LPIN2: variants seen among roughly 807,000 people sequenced by gnomAD.
The protein encoded by LPIN2 is lipin 2, also known as phosphatidate phosphatase LPIN2.
A neutral mutation model predicts 111.4 loss-of-function variants in LPIN2; 55 were observed. The ratio of observed to expected loss-of-function variants is 0.49; its 90% CI spans 0.40 to 0.62. The LOEUF is 0.62. LPIN2 is among the 20% of genes least tolerant of loss of function. The probability of loss-of-function intolerance (pLI) is 0.00; values close to 1 mark genes in which losing one functional copy is unlikely to be tolerated. For missense variants in LPIN2, 992 were observed against 1,112.1 expected, an observed-to-expected ratio of 0.89 and a Z score of 1.54; for synonymous variants, 425 against 414.0, an observed-to-expected ratio of 1.03 and a Z score of -0.32.
rs1162830363 is a variant in LPIN2 at position 2,951,094 on chromosome 18, C to T, written c.551G>A (p.Gly184Asp). 6.2e-7 allele frequency: 1 copy of T among 1,614,192 alleles called. No individual in the cohort carries two copies. Among genetic ancestry groups the T allele is most frequent in the Admixed American group, 1.7e-5 (1 of 60,008 alleles). Residue 184 changes from glycine to aspartate, a missense_variant, in exon 4 of 20, where the codon GGC becomes GAC. Coordinates refer to ENST00000677752, the MANE Select transcript of LPIN2 (RefSeq NM_001375808.2). ...CCCCTTGTCATCATCGGAGCTCACG[C>T]CTACATCACATGTGTCTTCTGCAGC... Reference protein sequence around the residue: ...SAAAEDTCDVGVSSDDDKGAQ... With the variant: ...SAAAEDTCDVDVSSDDDKGAQ...
At chr18:2,938,959 G>A (rs367984879) in intron 6 of LPIN2, among the ~76,000 whole-genome samples, 12 of 152,162 alleles carry the variant, frequency 7.9e-5, no homozygotes, top group African/African-American at 2.9e-4. Flanking sequence ...TTTGCGATCA[G>A]GCCAAGCTGA....
At chr18:3,004,347 C>CA (rs1201338746) in intron 1 of LPIN2, among the ~76,000 whole-genome samples, 2 of 152,102 alleles carry the variant, frequency 1.3e-5, no homozygotes, top group Non-Finnish European at 2.9e-5. Flanking sequence ...ACGGTCCTAC[C>CA]AATATGTGAT....
At chr18:2,980,089 C>G (rs1239579220) in intron 1 of LPIN2, among the ~76,000 whole-genome samples, 1 of 152,136 alleles carries the variant, frequency 6.6e-6, no homozygotes, top group African/African-American at 2.4e-5. Context: ...AAGTTACTAG[C>G]TATGGAGAGT....
intron 1 of LPIN2, among the ~76,000 whole-genome samples, chr18:2,975,462 G>A (rs1567847921): frequency 6.6e-6 from 1 of 152,148 alleles, no homozygotes; most frequent in Non-Finnish European, 1.5e-5. Context: ...AGCCTCTCGA[G>A]TAGCCGGGAC....
At chr18:3,010,102 C>T (rs920656698) in intron 1 of LPIN2, among the ~76,000 whole-genome samples, 3 of 152,206 alleles carry the variant, frequency 2.0e-5, no homozygotes, top group Non-Finnish European at 2.9e-5. Context: ...ACATGGGTTG[C>T]CACTGACTGC....
chr18:2,946,104 T>G, intron 4 of LPIN2: 2 of 1,566,162 alleles, frequency 1.3e-6, no homozygotes, highest in African/African-American at 2.7e-5. Flanking sequence ...CATCATTGTC[T>G]TCTTTTCTTA....
chr18:2,951,972 G>A (rs2077544488), intron 3 of LPIN2, among the ~76,000 whole-genome samples: 1 of 152,132 alleles, frequency 6.6e-6, no homozygotes. Flanking sequence ...CCTTCCTGTA[G>A]GAATTCAAAA....
intron 1 of LPIN2, among the ~76,000 whole-genome samples, chr18:2,985,648 G>A (rs1436219538): frequency 6.6e-6 from 1 of 152,078 alleles, no homozygotes; most frequent in Non-Finnish European, 1.5e-5. Context: ...AATCCCATAA[G>A]TATGTAAGAC....
Position 2,920,266 on chromosome 18 carries a change from G to C in LPIN2, c.*27C>G. 2 of 1,613,874 alleles carry C rather than the reference G, an allele frequency of 1.2e-6. No individual in the cohort carries two copies. Among genetic ancestry groups the C allele is most frequent in the Non-Finnish European group, 1.7e-6 (2 of 1,179,974 alleles). The stretch of plus-strand genomic sequence containing the variant: ...CCCTTGCTGTGGGGAGGGGGACCAA[G>C]CCCTGCCCACCCACTGAGGTGCCGC... On this transcript the variant is annotated 3_prime_UTR_variant, in exon 20 of 20. Coordinates refer to ENST00000677752, the MANE Select transcript of LPIN2 (RefSeq NM_001375808.2).
At chr18:2,984,374 G>A (rs2078156993) in intron 1 of LPIN2, among the ~76,000 whole-genome samples, 1 of 152,100 alleles carries the variant, frequency 6.6e-6, no homozygotes, top group Admixed American at 6.5e-5. Flanking sequence ...GAATTGTTTA[G>A]GTTTTTCTGG....
At chr18:2,961,851 C>G (rs1242330228) in intron 1 of LPIN2, among the ~76,000 whole-genome samples, 1 of 152,200 alleles carries the variant, frequency 6.6e-6, no homozygotes, top group Non-Finnish European at 1.5e-5. Context: ...CCCTCCAATG[C>G]TCCAGCTAAT....
intron 1 of LPIN2, among the ~76,000 whole-genome samples, chr18:2,998,261 T>C (rs954883988): frequency 3.9e-5 from 6 of 152,248 alleles, no homozygotes; most frequent in Non-Finnish European, 8.8e-5. Flanking sequence ...TTAAGTAGTT[T>C]TGCAAAACAA....
At chr18:2,946,840 G>A (rs1479800242) in intron 4 of LPIN2, 5 of 340,116 alleles carry the variant, frequency 1.5e-5, no homozygotes, top group South Asian at 2.7e-5. Flanking sequence ...ACGAGTCAAC[G>A]AATTTCAGCG....
At position 2,960,757 on chromosome 18, in the gene LPIN2, A is replaced by G. The variant is rs537762550; in HGVS notation, c.84T>C (p.Ser28=). ...LYKGINQATL[S]GCIDVIVVQQ... ...GTACCACGATGACATCAATGCACCC[A>G]GAGAGGGTGGCCTGGTTAATGCCCT... Residue 28 remains serine, a synonymous_variant, in exon 2 of 20, where the codon TCT becomes TCC. Coordinates refer to ENST00000677752, the MANE Select transcript of LPIN2 (RefSeq NM_001375808.2). 6 of 1,614,122 alleles carry G rather than the reference A, an allele frequency of 3.7e-6. No individual in the cohort carries two copies. The South Asian group carries it at 6.6e-5, about 18-fold the overall frequency.
Position 2,982,751 on chromosome 18 carries a change from C to A in LPIN2, c.-9-21902G>T, listed in dbSNP as rs923112138. ...TTACAAACCACCTCATCTTCCTTGT[C>A]ATCTTCTAAGTAAAACATCTTGAAA... On this transcript the variant is annotated intron_variant, in intron 1 of 19. Transcript: ENST00000677752. 8.5e-6 allele frequency: 11 copies of A among 1,300,556 alleles called. No homozygotes were observed. The African/African-American group carries it at 1.5e-4, about 18-fold the overall frequency. The allele number at this position is 1,300,556 out of a possible 1,614,324, so 80.6% of individuals were successfully genotyped here. A position where few individuals can be genotyped will look rare whatever the true frequency, so the allele number is the denominator to read the frequency against.
Position 2,937,675 on chromosome 18 carries a change from AT to A in LPIN2, c.1168+16del. On this transcript the variant is annotated intron_variant, in intron 7 of 19. Transcript: ENST00000677752. ...CTAATTTGAGAGTACCTGGAGCCAA[AT>A]TAAACAAACGATTACCTTTCTTCTT... 6.2e-7 allele frequency: 1 copy of A among 1,610,268 alleles called. No individual in the cohort carries two copies. Among genetic ancestry groups the A allele is most frequent in the Non-Finnish European group, 8.5e-7 (1 of 1,177,138 alleles).
chr18:2,966,702 G>A (rs1219857071), intron 1 of LPIN2, among the ~76,000 whole-genome samples: 1 of 152,134 alleles, frequency 6.6e-6, no homozygotes, highest in African/African-American at 2.4e-5. Flanking sequence ...AAGATGAAAT[G>A]ATTACAGGGA....
chr18:2,954,687 C>T (rs1271410477), intron 2 of LPIN2, 88 bp from the exon 3 acceptor site: 3 of 950,932 alleles, frequency 3.2e-6, no homozygotes, highest in Admixed American at 3.5e-5. Flanking sequence ...TCAAGTCAAA[C>T]TTAGCATAGT....
intron 1 of LPIN2, among the ~76,000 whole-genome samples, chr18:3,006,055 G>A (rs765044918): frequency 4.6e-5 from 7 of 152,142 alleles, no homozygotes; most frequent in Non-Finnish European, 7.4e-5. Context: ...TTCAGCTTCA[G>A]GGTTCTCACC....
Sources: allele counts gnomAD v4.1 joint callset (sites outside exome capture counted in the v4.1 genomes callset), GRCh38; gene constraint gnomAD v4.1.1; transcripts MANE v1.5; gene names NCBI Gene and HGNC (gene_info 2026-07-23, HGNC 2026-07-21).